The following WDR72 variants were observed in gnomAD, a reference collection of about 807,000 sequenced individuals.
The protein encoded by WDR72 is WD repeat domain 72, also known as WD repeat-containing protein 72.
Under a neutral mutation model 124.2 loss-of-function variants are expected in WDR72, and 120 were observed. The observed-to-expected ratio is 0.97, with a 90% CI of 0.83 to 1.12. The LOEUF is 1.12. Among genes scored for constraint, WDR72 ranks in the 50% most tolerant of loss-of-function variants. The pLI is 0.00. For missense variants in WDR72, 1,387 were observed against 1,278.8 expected (o/e 1.08, Z -1.29); for synonymous variants, 452 against 441.7 (o/e 1.02, Z -0.29).
intron 18 of WDR72, among the ~76,000 whole-genome samples, chr15:53,569,329 G>T (rs1048285391): frequency 6.6e-6 from 1 of 151,948 alleles, no homozygotes; most frequent in African/African-American, 2.4e-5. Context: ...AGATGACAAG[G>T]ATTGCATAAC....
intron 13 of WDR72, 137 bp downstream of exon 13, chr15:53,699,613 G>C: frequency 1.1e-6 from 1 of 888,492 alleles, no homozygotes; most frequent in East Asian, 2.6e-5. Context: ...GCCTTTAACT[G>C]AAGCCATTAA....
intron 18 of WDR72, among the ~76,000 whole-genome samples, chr15:53,544,431 T>C (rs1382185405): frequency 4.8e-5 from 6 of 124,818 alleles, no homozygotes; most frequent in Admixed American, 1.7e-4. Flanking sequence ...TCTCAATAGA[T>C]GCAGAAAAGG....
At chr15:53,669,588 A>T (rs553471558) in intron 13 of WDR72, among the ~76,000 whole-genome samples, 18 of 152,208 alleles carry the variant, frequency 1.2e-4, no homozygotes, top group African/African-American at 4.3e-4. Context: ...TCCTGATTAA[A>T]CCCTGATTAA....
At chr15:53,539,702 A>G (rs937883183) in intron 18 of WDR72, among the ~76,000 whole-genome samples, 2 of 152,018 alleles carry the variant, frequency 1.3e-5, no homozygotes, top group Non-Finnish European at 2.9e-5. Context: ...AGTGAGAGAG[A>G]AAGAGAGATT....
intron 18 of WDR72, among the ~76,000 whole-genome samples, chr15:53,548,700 GT>G (rs1191092941): frequency 6.6e-6 from 1 of 150,894 alleles, no homozygotes; most frequent in Non-Finnish European, 1.5e-5. Context: ...ATTATAAAAC[GT>G]TACATACTAT....
At chr15:53,652,196 G>A (rs1318719227) in intron 14 of WDR72, 1 of 152,182 alleles carries the variant, frequency 6.6e-6, no homozygotes, top group African/African-American at 2.4e-5. Context: ...AAGAGCACTA[G>A]TGTACGAGAA....
At chr15:53,705,780 C>T in intron 10 of WDR72, 147 bp downstream of exon 10, 1 of 945,584 alleles carries the variant, frequency 1.1e-6, no homozygotes, top group Non-Finnish European at 1.6e-6. Flanking sequence ...TGTGTTTATA[C>T]CTGCTTTCAT....
intron 3 of WDR72, among the ~76,000 whole-genome samples, chr15:53,718,864 T>A (rs1380344996): frequency 4.1e-5 from 6 of 145,796 alleles, no homozygotes; most frequent in Admixed American, 1.3e-4. Flanking sequence ...GCTTAAAAAT[T>A]CTTAAATTTT....
chr15:53,525,617 A>T (rs915637456), intron 18 of WDR72, among the ~76,000 whole-genome samples: 8 of 152,044 alleles, frequency 5.3e-5, no homozygotes, highest in Admixed American at 1.3e-4. Flanking sequence ...TCCCAGAATG[A>T]ACTGACATCC....
intron 9 of WDR72, among the ~76,000 whole-genome samples, chr15:53,706,348 G>GTATA (rs1450540976): frequency 3.3e-3 from 188 of 57,240 alleles, no homozygotes; most frequent in East Asian, 0.012. Flanking sequence ...GTGTGTGTGT[G>GTATA]TGTATATATA....
At chr15:53,609,843 TAC>T (rs72440914) in intron 16 of WDR72, among the ~76,000 whole-genome samples, 112,245 of 150,004 alleles carry the variant, frequency 0.75, 45,557 homozygotes, top group East Asian at 0.9. Flanking sequence ...TGTACATTTA[TAC>T]ACACACACAC....
intron 18 of WDR72, among the ~76,000 whole-genome samples, chr15:53,584,481 A>T (rs569630911): frequency 6.6e-6 from 1 of 152,098 alleles, no homozygotes; most frequent in South Asian, 2.1e-4. Context: ...AACAAGCTAC[A>T]TTTATGAAGG....
At chr15:53,640,291 T>C (rs959560958) in intron 14 of WDR72, among the ~76,000 whole-genome samples, 1 of 152,162 alleles carries the variant, frequency 6.6e-6, no homozygotes, top group African/African-American at 2.4e-5. Context: ...ACTTGTTCTA[T>C]AACAGATTGC....
At chr15:53,550,024 G>T (rs1310508490) in intron 18 of WDR72, among the ~76,000 whole-genome samples, 2 of 152,110 alleles carry the variant, frequency 1.3e-5, no homozygotes, top group African/African-American at 4.8e-5. Flanking sequence ...GAAAGCGGAA[G>T]TTCAATTAAA....
At chr15:53,614,145 T>A (rs1159808167) in intron 15 of WDR72, among the ~76,000 whole-genome samples, 2 of 152,068 alleles carry the variant, frequency 1.3e-5, no homozygotes, top group South Asian at 4.1e-4. Context: ...TCAGGTATCA[T>A]TGGAGCCTTA....
At chr15:53,743,359 T>C (rs1310023691) in intron 1 of WDR72, among the ~76,000 whole-genome samples, 1 of 152,102 alleles carries the variant, frequency 6.6e-6, no homozygotes. Context: ...AGCATGTTAT[T>C]TTAGTATTAC....
At chr15:53,543,098 C>T (rs1482336125) in intron 18 of WDR72, among the ~76,000 whole-genome samples, 488 of 139,884 alleles carry the variant, frequency 3.5e-3, no homozygotes, top group Non-Finnish European at 4.5e-3. Context: ...GACAGAAAGT[C>T]AACAAGGATA....
chr15:53,601,229 G>A (rs187324316), intron 17 of WDR72, among the ~76,000 whole-genome samples: 23 of 152,104 alleles, frequency 1.5e-4, no homozygotes, highest in Non-Finnish European at 2.8e-4. Flanking sequence ...AAAAGGAATT[G>A]CAACCCAGAA....
intron 18 of WDR72, among the ~76,000 whole-genome samples, chr15:53,569,532 A>C (rs1236599641): frequency 1.3e-5 from 2 of 152,092 alleles, no homozygotes; most frequent in Non-Finnish European, 2.9e-5. Flanking sequence ...TACACTCTGA[A>C]CCACCCATTG....
Sources: gnomAD v4.1 joint callset for allele counts (sites outside exome capture counted in the v4.1 genomes callset) on GRCh38, gnomAD v4.1.1 for gene constraint, MANE v1.5 for transcripts, NCBI Gene and HGNC (gene_info 2026-07-23, HGNC 2026-07-21) for gene names.